Variants in CSMD3 observed in about 807,000 individuals in gnomAD.
CSMD3 encodes the protein CUB and Sushi multiple domains 3.
A neutral mutation model predicts 435.2 loss-of-function variants in CSMD3; 177 were observed. The ratio of observed to expected loss-of-function variants is 0.41; its 90% CI spans 0.36 to 0.46. The LOEUF (loss-of-function observed/expected upper bound fraction) is 0.46. Among genes scored for constraint, CSMD3 ranks in the 20% least tolerant of loss-of-function variants. The pLI, the probability that CSMD3 is intolerant of heterozygous loss-of-function variation, is 0.34. For missense variants in CSMD3, 4,265 were observed against 4,504.6 expected (o/e 0.95, Z 1.52); for synonymous variants, 1,656 against 1,520.5 (o/e 1.09, Z -2.07).
chr8:112,830,773 T>G (rs2079846236), intron 11 of CSMD3, among the ~76,000 whole-genome samples: 1 of 151,304 alleles, frequency 6.6e-6, no homozygotes, highest in Admixed American at 6.6e-5. Context: ...GGCTTTTTTT[T>G]GTTATAATAA....
intron 13 of CSMD3, among the ~76,000 whole-genome samples, chr8:112,770,882 C>A (rs2078096425): frequency 6.6e-6 from 1 of 151,866 alleles, no homozygotes; most frequent in Admixed American, 6.6e-5. Context: ...ATTTTCCTGG[C>A]CTCCCACTTC....
intron 36 of CSMD3, among the ~76,000 whole-genome samples, chr8:112,389,488 A>T (rs564210974): frequency 6.6e-6 from 1 of 152,288 alleles, no homozygotes; most frequent in East Asian, 1.9e-4. Flanking sequence ...TGCATCTATA[A>T]TCTTTGGATG....
At chr8:112,537,036 G>C (rs1826172856) in intron 27 of CSMD3, among the ~76,000 whole-genome samples, 1 of 151,996 alleles carries the variant, frequency 6.6e-6, no homozygotes, top group Admixed American at 6.6e-5. Context: ...GGGGGAAGGG[G>C]GAGGGATAGC....
intron 30 of CSMD3, among the ~76,000 whole-genome samples, chr8:112,497,342 A>C (rs1453093707): frequency 6.6e-6 from 1 of 151,992 alleles, no homozygotes; most frequent in Non-Finnish European, 1.5e-5. Flanking sequence ...GTATCTTTAA[A>C]AGTAACTAAA....
At chr8:113,142,833 T>C (rs1010277476) in intron 4 of CSMD3, among the ~76,000 whole-genome samples, 2 of 149,862 alleles carry the variant, frequency 1.3e-5, no homozygotes, top group African/African-American at 4.9e-5. Flanking sequence ...ACCCATTGTA[T>C]GCCTGTATCA....
chr8:113,108,917 A>G (rs528856752), intron 4 of CSMD3, among the ~76,000 whole-genome samples: 5 of 152,342 alleles, frequency 3.3e-5, no homozygotes, highest in East Asian at 1.9e-4. Flanking sequence ...GCAAATGTGC[A>G]TGTGTAAATT....
intron 22 of CSMD3, among the ~76,000 whole-genome samples, chr8:112,614,671 A>G (rs1012763946): frequency 2.0e-5 from 3 of 152,064 alleles, no homozygotes; most frequent in Non-Finnish European, 4.4e-5. Context: ...TAGACTTACA[A>G]GTAACCATTT....
At chr8:112,539,872 A>G (rs1826494997) in intron 27 of CSMD3, among the ~76,000 whole-genome samples, 1 of 152,074 alleles carries the variant, frequency 6.6e-6, no homozygotes. Context: ...CTCAAAATAC[A>G]GGCAACACAA....
At chr8:112,963,436 A>C (rs2084306719) in intron 7 of CSMD3, among the ~76,000 whole-genome samples, 1 of 152,018 alleles carries the variant, frequency 6.6e-6, no homozygotes, top group African/African-American at 2.4e-5. Flanking sequence ...TGAAATCTAC[A>C]TCTCAGATAC....
chr8:112,973,944 A>G, intron 7 of CSMD3, among the ~76,000 whole-genome samples: 1 of 151,930 alleles, frequency 6.6e-6, no homozygotes, highest in Non-Finnish European at 1.5e-5. Context: ...AATGTTTTAC[A>G]TCTACTTTGA....
intron 24 of CSMD3, among the ~76,000 whole-genome samples, chr8:112,571,208 T>G (rs1457293497): frequency 6.6e-6 from 1 of 151,908 alleles, no homozygotes; most frequent in Non-Finnish European, 1.5e-5. Context: ...GGTTTCTTCA[T>G]GTTGGTCAGG....
chr8:112,420,290 C>G (rs1353345242), intron 32 of CSMD3, among the ~76,000 whole-genome samples: 1 of 152,144 alleles, frequency 6.6e-6, no homozygotes, highest in Non-Finnish European at 1.5e-5. Flanking sequence ...TATCCCCAAC[C>G]TGGAGTACTT....
rs538762817 is a variant in CSMD3 at position 112,407,945 on chromosome 8, C to T, written c.5605+373G>A. Among the ~76,000 whole-genome samples, 217 of 152,044 alleles carry T rather than the reference C, an allele frequency of 1.4e-3. 1 individual carries two copies. Among genetic ancestry groups the T allele is most frequent in the African/African-American group, 4.7e-3 (196 of 41,530 alleles). ...CTGATTTCCTTGGCATGTTTAAGTACATCAGCACCAAAATTTTTATATCTT... is the reference window on the plus strand; with the variant it reads ...CTGATTTCCTTGGCATGTTTAAGTATATCAGCACCAAAATTTTTATATCTT... On this transcript the variant is annotated intron_variant, in intron 34 of 70. Coordinates refer to ENST00000297405, the MANE Select transcript of CSMD3 (RefSeq NM_198123.2).
rs182807680 is a variant in CSMD3, at chr8:112,610,306, G to C, written c.3716-23071C>G. On this transcript the variant is annotated intron_variant, in intron 22 of 70. Transcript: ENST00000297405. ...TCTTGAATACATGCAAGTTTTATTT[G>C]TCAATTATACCTCAGTAAAGCTAAA... is the stretch of plus-strand genomic sequence containing the variant. Among the ~76,000 whole-genome samples the C allele has an allele frequency of 1.6e-3, 238 of 151,108 alleles. 1 individual carries two copies. The highest frequency in any genetic ancestry group is 5.2e-3 in the African/African-American group (216 of 41,202).
intron 26 of CSMD3, among the ~76,000 whole-genome samples, chr8:112,551,989 A>T (rs1827725311): frequency 1.3e-5 from 2 of 152,004 alleles, no homozygotes; most frequent in Admixed American, 1.3e-4. Flanking sequence ...ATTTGAGATA[A>T]TGACTCTGTA....
In CSMD3 at chr8:113,366,363, A is replaced by G. The variant is rs571095893; in HGVS notation, c.179-51570T>C. ...TACATTCATTTTGCTTCTATAGAGT[A>G]CCTCAACGCTCCCCCATTAAATTTC... On this transcript the variant is annotated intron_variant, in intron 1 of 70. Coordinates refer to ENST00000297405, the MANE Select transcript of CSMD3 (RefSeq NM_198123.2). Among the ~76,000 whole-genome samples, 4 of 152,084 alleles carry G rather than the reference A, an allele frequency of 2.6e-5. No individual in the cohort carries two copies. In the South Asian group the frequency reaches 8.3e-4, roughly 32 times the overall value.
intron 16 of CSMD3, among the ~76,000 whole-genome samples, chr8:112,680,967 A>G (rs1304759869): frequency 1.3e-5 from 2 of 152,002 alleles, no homozygotes. Flanking sequence ...ATGACAATCT[A>G]CTAAAGGTGT....
chr8:113,096,163 T>A (rs527528774), intron 5 of CSMD3, among the ~76,000 whole-genome samples: 67 of 152,286 alleles, frequency 4.4e-4, no homozygotes, highest in African/African-American at 1.6e-3. Flanking sequence ...TATATCCAAC[T>A]GTCCCCTTGA....
At chr8:112,496,955 G>A (rs1194246166) in intron 30 of CSMD3, among the ~76,000 whole-genome samples, 1 of 152,072 alleles carries the variant, frequency 6.6e-6, no homozygotes, top group Admixed American at 6.6e-5. Context: ...AAAGAGTATA[G>A]TTTGATTGTT....
Sources: gnomAD v4.1 joint callset for allele counts (sites outside exome capture counted in the v4.1 genomes callset) on GRCh38, gnomAD v4.1.1 for gene constraint, MANE v1.5 for transcripts, NCBI Gene and HGNC (gene_info 2026-07-23, HGNC 2026-07-21) for gene names.